Variants in DYNC1I1 observed in about 807,000 individuals in gnomAD.
DYNC1I1 encodes cytoplasmic dynein 1 intermediate chain 1.
A neutral mutation model predicts 86.6 loss-of-function variants in DYNC1I1; 43 were observed. The observed-to-expected ratio is 0.50, with a 90% confidence interval of 0.39 to 0.64. The LOEUF (loss-of-function observed/expected upper bound fraction) is 0.64. DYNC1I1 is among the 30% of genes least tolerant of loss of function. DYNC1I1 has a pLI of 0.00. For missense variants in DYNC1I1, 604 were observed against 788.8 expected (o/e 0.77, Z 2.81); for synonymous variants, 262 against 283.7 (o/e 0.92, Z 0.77).
chr7:96,101,216 T>G (rs1563006177), downstream of DYNC1I1, among the ~76,000 whole-genome samples: 1 of 152,168 alleles, frequency 6.6e-6, no homozygotes, highest in African/African-American at 2.4e-5. Flanking sequence ...GAACGTGGCA[T>G]TCCTAGTGGC....
intron 6 of DYNC1I1, among the ~76,000 whole-genome samples, chr7:95,977,081 C>A (rs1254366579): frequency 6.6e-6 from 1 of 152,118 alleles, no homozygotes; most frequent in Non-Finnish European, 1.5e-5. Flanking sequence ...TCCTGTAGGT[C>A]AAAAACAAAT....
chr7:95,908,178 G>A (rs1407730062), intron 6 of DYNC1I1, among the ~76,000 whole-genome samples: 1 of 152,090 alleles, frequency 6.6e-6, no homozygotes, highest in African/African-American at 2.4e-5. Context: ...CGTGCAAGGA[G>A]ACTGCACTTA....
rs551203372 is a variant in DYNC1I1 at position 95,851,101 on chromosome 7, A to AT, written c.375-18776dup. Among the ~76,000 whole-genome samples, 114 of 107,106 alleles carry AT rather than the reference A, an allele frequency of 1.1e-3. 2 individuals carry two copies. Among genetic ancestry groups the AT allele is most frequent in the Admixed American group, 4.3e-3 (49 of 11,510 alleles). 70.3% of individuals were successfully genotyped at this position (107,106 alleles called of 152,430 possible). A position where few individuals can be genotyped will look rare whatever the true frequency, so the allele number is the denominator to read the frequency against. On this transcript the variant is annotated intron_variant, in intron 5 of 16. Coordinates refer to ENST00000447467, the MANE Select transcript of DYNC1I1 (RefSeq NM_001135556.2). ...ACAGCGTACCCTACACACCTGGCTA[A>AT]TTTTTTGATTTTTTGAACAGAAGAG...
intron 7 of DYNC1I1, 89 bp from the exon 8 acceptor site, chr7:95,984,726 C>T (rs1193332028): frequency 2.3e-6 from 3 of 1,283,644 alleles, no homozygotes; most frequent in African/African-American, 1.5e-5. Context: ...TAAGCAGTCT[C>T]TCTCAAGAAT....
At chr7:96,040,278 A>G (rs1788998089) in intron 14 of DYNC1I1, among the ~76,000 whole-genome samples, 1 of 152,080 alleles carries the variant, frequency 6.6e-6, no homozygotes, top group Non-Finnish European at 1.5e-5. Context: ...AAAATAAAAT[A>G]TAATTCTCTC....
At chr7:95,943,804 GA>G (rs1239082127) in intron 6 of DYNC1I1, among the ~76,000 whole-genome samples, 3 of 151,396 alleles carry the variant, frequency 2.0e-5, no homozygotes, top group African/African-American at 4.9e-5. Flanking sequence ...ATGGTGCTGA[GA>G]AAACTGGCTA....
chr7:95,804,870 A>T lies in DYNC1I1; in HGVS notation c.108+33A>T. The T allele has an allele frequency of 3.3e-6, 5 of 1,535,332 alleles. No homozygotes were observed. The South Asian group carries it at 6.1e-5, about 19-fold the overall frequency. The stretch of plus-strand genomic sequence containing the variant: ...CTGGGTGTTGGGGTGTTGTGGGGGA[A>T]AAAGGAAAATCACTTGATTCTGAGG... On this transcript the variant is annotated intron_variant, in intron 2 of 16. Transcript: ENST00000447467.
At chr7:95,813,048 T>G (rs1399999891) in intron 3 of DYNC1I1, 199 bp from the exon 4 acceptor site, 24 of 1,189,464 alleles carry the variant, frequency 2.0e-5, no homozygotes, top group Non-Finnish European at 2.8e-5. Context: ...CAAATTTTAA[T>G]TTCCAAAATA....
chr7:96,009,667 C>T (rs534042243), intron 10 of DYNC1I1, among the ~76,000 whole-genome samples: 4 of 152,294 alleles, frequency 2.6e-5, no homozygotes, highest in Admixed American at 2.0e-4. Context: ...CACTGATCTG[C>T]TATTCATGCC....
chr7:96,078,354 G>A (rs1254403125), intron 15 of DYNC1I1, among the ~76,000 whole-genome samples: 1 of 152,150 alleles, frequency 6.6e-6, no homozygotes, highest in African/African-American at 2.4e-5. Context: ...AAGAGACAGA[G>A]AGAACATATG....
Position 96,080,363 on chromosome 7 carries a change from G to A in DYNC1I1, c.1651G>A (p.Val551Ile). 6.2e-7 allele frequency: 1 copy of A among 1,601,746 alleles called. No homozygotes were observed. Among genetic ancestry groups the A allele is most frequent in the Non-Finnish European group, 8.5e-7 (1 of 1,175,160 alleles). Residue 551 changes from valine (V) to isoleucine (I), a missense_variant and splice_region_variant, in exon 16 of 17, where the codon GTT becomes ATT. Physicochemically the swap from Val to Ile is conservative, Grantham distance 29. Transcript: ENST00000447467. Reference protein sequence around the residue: ...DLWNLNNDTEVPTASVAIEGA... With the variant: ...DLWNLNNDTEIPTASVAIEGA... ...TATTCTGTTGTGAACCCTTTGGCAG[G>A]TTCCAACAGCAAGTGTGGCCATTGA...
intron 2 of DYNC1I1, among the ~76,000 whole-genome samples, chr7:95,806,821 G>A (rs868599551): frequency 6.6e-6 from 1 of 152,102 alleles, no homozygotes. Context: ...TTCTGTCCAT[G>A]CACTCTCTGC....
intron 16 of DYNC1I1, among the ~76,000 whole-genome samples, chr7:96,104,351 G>A (rs918674213): frequency 3.3e-5 from 5 of 151,908 alleles, no homozygotes; most frequent in Non-Finnish European, 5.9e-5. Flanking sequence ...ATAATATTTT[G>A]ATATGCAAAA....
chr7:95,947,027 CAG>C (rs1792421622), intron 6 of DYNC1I1, among the ~76,000 whole-genome samples: 1 of 152,106 alleles, frequency 6.6e-6, no homozygotes, highest in Admixed American at 6.6e-5. Context: ...TGGATCCAAA[CAG>C]AAGTGATGCA....
At chr7:96,091,123 A>G (rs1790830959) in intron 16 of DYNC1I1, among the ~76,000 whole-genome samples, 2 of 152,228 alleles carry the variant, frequency 1.3e-5, no homozygotes, top group African/African-American at 2.4e-5. Flanking sequence ...TAAGTCAACA[A>G]TCTCCTGAAT....
At position 96,050,027 on chromosome 7, in the gene DYNC1I1, AAACAAACAAAC is replaced by A. The variant is rs1270739917; in HGVS notation, c.1509+10609_1509+10619del. Among the ~76,000 whole-genome samples the A allele has an allele frequency of 2.7e-5, 4 of 147,846 alleles. 1 individual carries two copies. The highest frequency in any genetic ancestry group is 1.0e-4 in the African/African-American group (4 of 40,122). On this transcript the variant is annotated intron_variant, in intron 14 of 16. Transcript: ENST00000447467. ...ACAGAGAGAGACTCCATCTCAAAAA[AAACAAACAAAC>A]AAAAAAAAAAACAGTATAGCTCAAA...
intron 10 of DYNC1I1, among the ~76,000 whole-genome samples, chr7:95,999,544 G>C (rs1397965544): frequency 6.6e-6 from 1 of 152,092 alleles, no homozygotes; most frequent in African/African-American, 2.4e-5. Context: ...TTTGCTTCCC[G>C]TTAAGATTCT....
chr7:95,962,193 C>G (rs1792888531), intron 6 of DYNC1I1, among the ~76,000 whole-genome samples: 1 of 152,196 alleles, frequency 6.6e-6, no homozygotes, highest in Non-Finnish European at 1.5e-5. Context: ...CCCTTACCTG[C>G]CCTTAAAGCT....
intron 16 of DYNC1I1, among the ~76,000 whole-genome samples, chr7:96,094,273 G>T (rs1173817046): frequency 2.6e-5 from 4 of 152,134 alleles, no homozygotes; most frequent in African/African-American, 4.8e-5. Context: ...TATATGCAAG[G>T]TAGGACATGA....
Sources: allele counts gnomAD v4.1 joint callset (sites outside exome capture counted in the v4.1 genomes callset), GRCh38; gene constraint gnomAD v4.1.1; transcripts MANE v1.5; gene names NCBI Gene and HGNC (gene_info 2026-07-23, HGNC 2026-07-21).